Variants in TMOD3 observed in about 807,000 individuals in gnomAD.
The protein encoded by TMOD3 is tropomodulin 3.
Under a neutral mutation model 39.2 loss-of-function variants are expected in TMOD3, and 20 were observed. The ratio of observed to expected loss-of-function variants is 0.51; its 90% CI spans 0.36 to 0.74. The LOEUF (loss-of-function observed/expected upper bound fraction) is 0.74, where lower values mean the gene tolerates loss of function less well. Among genes scored for constraint, TMOD3 ranks in the 30% least tolerant of loss-of-function variants. The pLI is 0.00. For synonymous variants in TMOD3, 143 were observed against 145.8 expected, an observed-to-expected ratio of 0.98 and a Z score of 0.14; for missense variants, 381 against 412.8, an observed-to-expected ratio of 0.92 and a Z score of 0.67.
intron 3 of TMOD3, among the ~76,000 whole-genome samples, chr15:51,886,125 C>T (rs1158955895): frequency 2.6e-5 from 4 of 151,632 alleles, no homozygotes; most frequent in Admixed American, 1.3e-4. Flanking sequence ...CGGGCAGAGA[C>T]GCTCCTCAGT....
At chr15:51,862,719 A>C in intron 1 of TMOD3, 92 bp from the exon 2 acceptor site, 1 of 512,726 alleles carries the variant, frequency 2.0e-6, no homozygotes, top group South Asian at 4.0e-5. Context: ...TATATGACAC[A>C]TGGAAATTAC....
intron 2 of TMOD3, among the ~76,000 whole-genome samples, chr15:51,868,666 G>A (rs2056459448): frequency 6.6e-6 from 1 of 152,162 alleles, no homozygotes; most frequent in South Asian, 2.1e-4. Context: ...CCTCTCTGAA[G>A]AAAATGTTCT....
Position 51,912,057 on chromosome 15 carries a change from T to C in TMOD3, c.*3247T>C, listed in dbSNP as rs886214795. 1 of 152,228 alleles carries C rather than the reference T, an allele frequency of 6.6e-6. No individual in the cohort carries two copies. Among genetic ancestry groups the C allele is most frequent in the Non-Finnish European group, 1.5e-5 (1 of 68,044 alleles). 9.4% of individuals were successfully genotyped at this position (152,228 alleles called of 1,614,324 possible). Reference sequence around the variant, plus strand: ...TTACATGTAAATAGAATTCTATAAATTGTTTTCCAGTTGACCGAGTATCTG... The same window carrying C: ...TTACATGTAAATAGAATTCTATAAACTGTTTTCCAGTTGACCGAGTATCTG... On this transcript the variant is annotated 3_prime_UTR_variant, in exon 10 of 10. Coordinates refer to ENST00000308580, the MANE Select transcript of TMOD3 (RefSeq NM_014547.5).
At chr15:51,894,787 G>T (rs1028328470) in intron 6 of TMOD3, among the ~76,000 whole-genome samples, 4 of 152,160 alleles carry the variant, frequency 2.6e-5, no homozygotes, top group Non-Finnish European at 4.4e-5. Flanking sequence ...AGACATATGG[G>T]TTCCTTCCAG....
At chr15:51,858,501 G>A (rs2056399531) in intron 1 of TMOD3, 1 of 151,578 alleles carries the variant, frequency 6.6e-6, no homozygotes, top group African/African-American at 2.4e-5. Flanking sequence ...CACCAGACCT[G>A]TTTTGGGCAG....
intron 1 of TMOD3, chr15:51,860,655 G>T: frequency 5.8e-6 from 3 of 520,908 alleles, no homozygotes; most frequent in Non-Finnish European, 7.6e-6. Context: ...TACATAGGAG[G>T]CCAGGCACGG....
intron 1 of TMOD3, among the ~76,000 whole-genome samples, chr15:51,851,072 CAG>C (rs1156249944): frequency 1.3e-5 from 2 of 152,094 alleles, no homozygotes; most frequent in East Asian, 3.8e-4. Flanking sequence ...AGAGGAGTTC[CAG>C]AGAGACACAG....
chr15:51,889,046 G>T lies in TMOD3; in HGVS notation c.407-10G>T. On this transcript the variant is annotated splice_polypyrimidine_tract_variant and intron_variant, in intron 4 of 9. Coordinates refer to ENST00000308580, the MANE Select transcript of TMOD3 (RefSeq NM_014547.5). ...AAAACAATAAAAACTTTCTTTTTCTGTATTTATAGCAATTCTTGGGATGCA... is the reference window on the plus strand; with the variant it reads ...AAAACAATAAAAACTTTCTTTTTCTTTATTTATAGCAATTCTTGGGATGCA... 1 of 1,542,946 alleles carries T rather than the reference G, an allele frequency of 6.5e-7. No homozygotes were observed. Among genetic ancestry groups the T allele is most frequent in the Admixed American group, 2.2e-5 (1 of 46,296 alleles).
At chr15:51,851,435 C>A (rs2056361549) in intron 1 of TMOD3, among the ~76,000 whole-genome samples, 1 of 152,098 alleles carries the variant, frequency 6.6e-6, no homozygotes, top group South Asian at 2.1e-4. Flanking sequence ...AATACATGTT[C>A]TTTGGTTTAG....
intron 3 of TMOD3, among the ~76,000 whole-genome samples, chr15:51,874,110 A>G (rs2056489601): frequency 6.6e-6 from 1 of 152,220 alleles, no homozygotes; most frequent in Non-Finnish European, 1.5e-5. Context: ...GAATCCTCAT[A>G]AAACCAAAAA....
intron 2 of TMOD3, among the ~76,000 whole-genome samples, chr15:51,868,128 CATT>C (rs2056456412): frequency 6.6e-6 from 1 of 152,116 alleles, no homozygotes; most frequent in African/African-American, 2.4e-5. Flanking sequence ...CTGAAGTAAA[CATT>C]AATCTGATAT....
chr15:51,872,740 C>G (rs2056482051), intron 3 of TMOD3, among the ~76,000 whole-genome samples: 1 of 152,006 alleles, frequency 6.6e-6, no homozygotes, highest in Admixed American at 6.6e-5. Context: ...GCTAGGACTA[C>G]AGGCACATGC....
intron 3 of TMOD3, among the ~76,000 whole-genome samples, chr15:51,871,245 A>T (rs1173472189): frequency 2.6e-5 from 4 of 152,228 alleles, no homozygotes; most frequent in Non-Finnish European, 5.9e-5. Context: ...GTGGAGAATC[A>T]TAAAGACAGG....
At chr15:51,889,366 C>G (rs1216959988) in intron 5 of TMOD3, among the ~76,000 whole-genome samples, 1 of 151,994 alleles carries the variant, frequency 6.6e-6, no homozygotes, top group Admixed American at 6.6e-5. Context: ...CTCTACCTCA[C>G]TAAATAATGC....
Position 51,869,245 on chromosome 15 carries a change from A to G in TMOD3, c.155A>G (p.Gln52Arg). Reference sequence around the variant, plus strand: ...GCCCTTCTGCCTGCAGGGTTCCGGCAGAAGAACCAGACATCAAAGTCCACC... The same window carrying G: ...GCCCTTCTGCCTGCAGGGTTCCGGCGGAAGAACCAGACATCAAAGTCCACC... Reference protein sequence around the residue: ...ENALLPAGFRQKNQTSKSTTG... With the variant: ...ENALLPAGFRRKNQTSKSTTG... The change falls in exon 3 of 10, where the codon CAG (glutamine) becomes CGG (arginine). Residue 52 changes from glutamine to arginine, a missense_variant. Coordinates refer to ENST00000308580, the MANE Select transcript of TMOD3 (RefSeq NM_014547.5). 6.2e-7 allele frequency: 1 copy of G among 1,614,022 alleles called. No individual in the cohort carries two copies. Among genetic ancestry groups the G allele is most frequent in the Non-Finnish European group, 8.5e-7 (1 of 1,179,972 alleles).
chr15:51,866,803 A>G (rs771296521), intron 2 of TMOD3, among the ~76,000 whole-genome samples: 3 of 152,252 alleles, frequency 2.0e-5, no homozygotes, highest in Non-Finnish European at 2.9e-5. Context: ...TTAGGAATAC[A>G]AGAATGAGCA....
intron 3 of TMOD3, among the ~76,000 whole-genome samples, chr15:51,879,934 G>A (rs2056524778): frequency 6.6e-6 from 1 of 151,220 alleles, no homozygotes; most frequent in South Asian, 2.1e-4. Flanking sequence ...ATTAATGTGT[G>A]TCTATTATGT....
intron 1 of TMOD3, among the ~76,000 whole-genome samples, chr15:51,843,656 G>C (rs1257683158): frequency 1.4e-4 from 22 of 152,120 alleles, no homozygotes; most frequent in Non-Finnish European, 3.2e-4. Context: ...TTCCTGGGAA[G>C]GGGCAGGGCT....
intron 9 of TMOD3, 151 bp downstream of exon 9, chr15:51,902,187 C>A: frequency 4.6e-6 from 4 of 864,690 alleles, no homozygotes; most frequent in South Asian, 2.0e-5. Flanking sequence ...TGATTGAATT[C>A]AAGTTCAATT....
Sources: gnomAD v4.1 joint callset for allele counts (sites outside exome capture counted in the v4.1 genomes callset) on GRCh38, gnomAD v4.1.1 for gene constraint, MANE v1.5 for transcripts, NCBI Gene and HGNC (gene_info 2026-07-23, HGNC 2026-07-21) for gene names.